Variants in FOXP2 observed in about 807,000 individuals in gnomAD.
The protein encoded by FOXP2 is forkhead box P2, also known as forkhead box protein P2.
In FOXP2, 12 loss-of-function variants were observed where a neutral mutation model predicts 115.8. The ratio of observed to expected loss-of-function variants is 0.10; its 90% CI spans 0.07 to 0.17. The LOEUF (loss-of-function observed/expected upper bound fraction) is 0.17. Ranked by LOEUF, FOXP2 falls within the 10% of genes least tolerant of loss-of-function variation. FOXP2 has a pLI of 1.00. For synonymous variants in FOXP2, 328 were observed against 297.7 expected (o/e 1.10, Z -1.05); for missense variants, 629 against 843.5 (o/e 0.75, Z 3.15).
chr7:114,175,014 C>T (rs576676593), intron 1 of FOXP2, among the ~76,000 whole-genome samples: 1 of 152,106 alleles, frequency 6.6e-6, no homozygotes, highest in East Asian at 1.9e-4. Context: ...TAATTGGCTG[C>T]TCTCAGACAC....
intron 8 of FOXP2, among the ~76,000 whole-genome samples, chr7:114,651,459 G>C (rs1212271687): frequency 6.6e-6 from 1 of 152,010 alleles, no homozygotes; most frequent in Non-Finnish European, 1.5e-5. Context: ...TACTTTTGGT[G>C]TATTAACATA....
chr7:114,644,606 C>G (rs747854322), intron 7 of FOXP2, 79 bp from the exon 8 acceptor site: 6 of 1,205,634 alleles, frequency 5.0e-6, no homozygotes, highest in Non-Finnish European at 7.4e-6. Context: ...TGTCACTGAT[C>G]GTAACCTGAC....
chr7:114,385,180 G>A (rs186503550), intron 2 of FOXP2, among the ~76,000 whole-genome samples: 2 of 152,054 alleles, frequency 1.3e-5, no homozygotes, highest in African/African-American at 2.4e-5. Context: ...GGATACCAGG[G>A]ATAAGACTCC....
At chr7:114,637,153 G>A (rs1036855158) in intron 6 of FOXP2, among the ~76,000 whole-genome samples, 2 of 152,118 alleles carry the variant, frequency 1.3e-5, no homozygotes, top group African/African-American at 2.4e-5. Context: ...GCACTCCAGC[G>A]AGACCATGTC....
chr7:114,226,413 A>C (rs1366762657), intron 1 of FOXP2, among the ~76,000 whole-genome samples: 1 of 152,154 alleles, frequency 6.6e-6, no homozygotes, highest in Admixed American at 6.6e-5. Context: ...TTGAAGATGG[A>C]ACAATTCATG....
intron 3 of FOXP2, among the ~76,000 whole-genome samples, chr7:114,625,813 T>G (rs931974498): frequency 6.6e-6 from 1 of 151,782 alleles, no homozygotes; most frequent in Non-Finnish European, 1.5e-5. Flanking sequence ...TGGGTGAGCT[T>G]ATATATGTGG....
chr7:114,545,576 A>G (rs1799877212), intron 3 of FOXP2, among the ~76,000 whole-genome samples: 2 of 152,190 alleles, frequency 1.3e-5, no homozygotes, highest in Non-Finnish European at 2.9e-5. Context: ...TGGTATTAGA[A>G]ACCTTAAGAA....
At chr7:114,667,083 C>T (rs1281233335) in intron 16 of FOXP2, 1 of 152,054 alleles carries the variant, frequency 6.6e-6, no homozygotes, top group African/African-American at 2.4e-5. Context: ...TTTTCTTCTC[C>T]TTCTTTCTTC....
In FOXP2 at chr7:114,229,486, T is replaced by G. The variant is rs111961584; in HGVS notation, c.-101-58533T>G. Among the ~76,000 whole-genome samples, 720 of 151,774 alleles carry G rather than the reference T, an allele frequency of 4.7e-3. 12 individuals are homozygous for G. The highest frequency in any genetic ancestry group is 0.016 in the African/African-American group (684 of 41,520). The stretch of plus-strand genomic sequence containing the variant: ...ACACATGGAACATTCTTCAGATAGA[T>G]CATGTGTTAGGTCATAAAACAAGTT... On this transcript the variant is annotated intron_variant, in intron 1 of 17. Transcript: ENST00000634411.
At chr7:114,173,123 T>A (rs1230539949) in intron 1 of FOXP2, among the ~76,000 whole-genome samples, 3 of 151,996 alleles carry the variant, frequency 2.0e-5, no homozygotes, top group Admixed American at 2.0e-4. Flanking sequence ...GAATTGTTCA[T>A]GGTTTCTTTC....
At chr7:114,620,221 C>T (rs902994030) in intron 3 of FOXP2, among the ~76,000 whole-genome samples, 1 of 151,956 alleles carries the variant, frequency 6.6e-6, no homozygotes, top group African/African-American at 2.4e-5. Flanking sequence ...TATAACCTAA[C>T]GGCAAGTGAA....
At chr7:114,580,978 A>G (rs1584919746) in intron 3 of FOXP2, among the ~76,000 whole-genome samples, 1 of 151,692 alleles carries the variant, frequency 6.6e-6, no homozygotes, top group Non-Finnish European at 1.5e-5. Flanking sequence ...CACTGGGTAA[A>G]GGAAGAATGA....
intron 2 of FOXP2, among the ~76,000 whole-genome samples, 160 bp downstream of exon 2, chr7:114,426,839 A>C (rs1044822793): frequency 1.3e-5 from 2 of 151,758 alleles, no homozygotes; most frequent in Non-Finnish European, 2.9e-5. Flanking sequence ...TAAAGAGATA[A>C]GATTTTCATA....
chr7:114,642,286 T>A, intron 6 of FOXP2, 124 bp from the exon 7 acceptor site: 1 of 744,136 alleles, frequency 1.3e-6, no homozygotes, highest in East Asian at 2.7e-5. Flanking sequence ...TTTTTTGTTG[T>A]ATATTAATTT....
At chr7:114,560,385 C>T (rs1271691063) in intron 3 of FOXP2, among the ~76,000 whole-genome samples, 2 of 151,994 alleles carry the variant, frequency 1.3e-5, no homozygotes, top group African/African-American at 4.8e-5. Context: ...GCGGGTGGAT[C>T]CCCTGAGGCC....
chr7:114,387,897 G>A (rs555053053), intron 2 of FOXP2, among the ~76,000 whole-genome samples: 1 of 152,108 alleles, frequency 6.6e-6, no homozygotes, highest in African/African-American at 2.4e-5. Context: ...AACAATAAAA[G>A]ATTTTGAAAT....
At chr7:114,108,526 T>G (rs1791181745) in intron 1 of FOXP2, among the ~76,000 whole-genome samples, 1 of 151,944 alleles carries the variant, frequency 6.6e-6, no homozygotes, top group Admixed American at 6.6e-5. Context: ...CCATTAGACC[T>G]AATTATTCTT....
At chr7:114,245,511 A>G (rs1032854820) in intron 1 of FOXP2, among the ~76,000 whole-genome samples, 10 of 152,184 alleles carry the variant, frequency 6.6e-5, no homozygotes, top group African/African-American at 1.9e-4. Flanking sequence ...TATATATCCA[A>G]CTTAACATGT....
intron 1 of FOXP2, among the ~76,000 whole-genome samples, chr7:114,202,481 C>G (rs920750129): frequency 6.6e-6 from 1 of 152,176 alleles, no homozygotes; most frequent in Non-Finnish European, 1.5e-5. Flanking sequence ...TTTTGAAACC[C>G]AAATTCCAGA....
Sources: allele counts gnomAD v4.1 joint callset (sites outside exome capture counted in the v4.1 genomes callset), GRCh38; gene constraint gnomAD v4.1.1; transcripts MANE v1.5; gene names NCBI Gene and HGNC (gene_info 2026-07-23, HGNC 2026-07-21).